Variants in HAO1 observed in about 807,000 individuals in gnomAD.
HAO1 encodes the protein 2-Hydroxyacid oxidase 1.
A neutral mutation model predicts 39.7 loss-of-function variants in HAO1; 34 were observed. The observed-to-expected ratio is 0.86, with a 90% CI of 0.65 to 1.14. HAO1 has a LOEUF of 1.14. HAO1 is among the 50% of genes most tolerant of loss of function. HAO1 has a pLI of 0.00. For missense variants in HAO1, 479 were observed against 464.5 expected, an observed-to-expected ratio of 1.03 and a Z score of -0.29; for synonymous variants, 172 against 173.2, an observed-to-expected ratio of 0.99 and a Z score of 0.05.
At chr20:7,921,626 G>A (rs8118176) in intron 2 of HAO1, among the ~76,000 whole-genome samples, 8,867 of 152,080 alleles carry the variant, frequency 0.058, 281 homozygotes, top group Non-Finnish European at 0.065. Context: ...AGGACAATAA[G>A]TCATTCTACC....
At chr20:7,921,989 A>G (rs1008890599) in intron 2 of HAO1, among the ~76,000 whole-genome samples, 2 of 152,254 alleles carry the variant, frequency 1.3e-5, no homozygotes, top group Non-Finnish European at 2.9e-5. Context: ...GCTGAAAAAA[A>G]CTACCTGTTT....
chr20:7,922,114 G>A (rs542205446), intron 2 of HAO1, among the ~76,000 whole-genome samples: 7 of 150,886 alleles, frequency 4.6e-5, no homozygotes, highest in Non-Finnish European at 1.0e-4. Context: ...AATAAAAGTT[G>A]AAAAAAGAAA....
At chr20:7,900,160 C>A (rs1266254139) in intron 4 of HAO1, among the ~76,000 whole-genome samples, 1 of 152,032 alleles carries the variant, frequency 6.6e-6, no homozygotes, top group African/African-American at 2.4e-5. Context: ...TTTAGAGTAT[C>A]TTGAACAATG....
At chr20:7,919,183 T>C (rs1271437144) in intron 2 of HAO1, among the ~76,000 whole-genome samples, 1 of 152,208 alleles carries the variant, frequency 6.6e-6, no homozygotes, top group Non-Finnish European at 1.5e-5. Context: ...ATAGACGGTA[T>C]ATCCTAAAGA....
intron 5 of HAO1, among the ~76,000 whole-genome samples, chr20:7,889,043 C>A (rs920106064): frequency 6.6e-6 from 1 of 152,174 alleles, no homozygotes; most frequent in African/African-American, 2.4e-5. Flanking sequence ...CTGAGCAGAT[C>A]TCAGCCCAAA....
chr20:7,930,561 G>A (rs1029467983), intron 2 of HAO1, among the ~76,000 whole-genome samples: 4 of 152,180 alleles, frequency 2.6e-5, no homozygotes, highest in African/African-American at 9.7e-5. Context: ...CAATCTCAAT[G>A]AATTGAAGGA....
At chr20:7,917,744 G>A (rs2050313826) in intron 2 of HAO1, among the ~76,000 whole-genome samples, 1 of 152,134 alleles carries the variant, frequency 6.6e-6, no homozygotes, top group Non-Finnish European at 1.5e-5. Context: ...CAGCAGCTCT[G>A]CCAATAGGAA....
At chr20:7,934,276 A>G (rs1474668928) in intron 2 of HAO1, among the ~76,000 whole-genome samples, 1 of 152,238 alleles carries the variant, frequency 6.6e-6, no homozygotes, top group Admixed American at 6.5e-5. Context: ...AAGGAAACCA[A>G]TGCAGAGAGA....
At chr20:7,910,035 G>T (rs1019629555) in intron 3 of HAO1, among the ~76,000 whole-genome samples, 2 of 152,152 alleles carry the variant, frequency 1.3e-5, no homozygotes, top group East Asian at 3.9e-4. Flanking sequence ...TACTAGTTAT[G>T]TTACATTGGG....
chr20:7,887,006 G>A (rs2050154262), intron 5 of HAO1, among the ~76,000 whole-genome samples: 2 of 152,120 alleles, frequency 1.3e-5, no homozygotes, highest in African/African-American at 4.8e-5. Flanking sequence ...TTGGATACCA[G>A]CCACCTAGCT....
chr20:7,936,553 C>T (rs1326874085), intron 1 of HAO1, among the ~76,000 whole-genome samples: 188 of 57,012 alleles, frequency 3.3e-3, no homozygotes, highest in Admixed American at 0.01. Flanking sequence ...TGTGTTCGCG[C>T]GCGCGCGCGC....
chr20:7,925,775 GC>G (rs1450453510), intron 2 of HAO1, among the ~76,000 whole-genome samples: 4 of 152,082 alleles, frequency 2.6e-5, no homozygotes, highest in Non-Finnish European at 5.9e-5. Flanking sequence ...CTGAGAAGAA[GC>G]AATCTCATGC....
At position 7,892,965 on chromosome 20, in the gene HAO1, G is replaced by A. The variant is rs140629912; in HGVS notation, c.813+2168C>T. 5.2e-3 allele frequency among the ~76,000 whole-genome samples: 794 copies of A among 152,264 alleles called. 7 individuals are homozygous for A. The highest frequency in any genetic ancestry group is 0.018 in the African/African-American group (739 of 41,546). ...AGAAAGCAATTCCCTCTGTCCTTCTGCAGTTCAGGCCCTCCTTCTCTCTTT... is the reference window on the plus strand; with the variant it reads ...AGAAAGCAATTCCCTCTGTCCTTCTACAGTTCAGGCCCTCCTTCTCTCTTT... On this transcript the variant is annotated intron_variant, in intron 5 of 7. Transcript: ENST00000378789.
At chr20:7,926,774 G>T (rs2050361011) in intron 2 of HAO1, among the ~76,000 whole-genome samples, 1 of 152,026 alleles carries the variant, frequency 6.6e-6, no homozygotes, top group African/African-American at 2.4e-5. Context: ...GGCTCAAAAA[G>T]AAAGTGTTTA....
chr20:7,891,259 A>G (rs191193046), intron 5 of HAO1, among the ~76,000 whole-genome samples: 2 of 152,192 alleles, frequency 1.3e-5, no homozygotes, highest in Admixed American at 6.5e-5. Flanking sequence ...AGGTGGTATC[A>G]CATTGTGGTT....
intron 2 of HAO1, among the ~76,000 whole-genome samples, chr20:7,917,728 G>GT (rs1436006461): frequency 6.6e-6 from 1 of 152,156 alleles, no homozygotes; most frequent in Non-Finnish European, 1.5e-5. Context: ...ACATCATGTA[G>GT]TCAAGCAGCA....
At chr20:7,897,212 G>A (rs2050201621) in intron 4 of HAO1, among the ~76,000 whole-genome samples, 1 of 152,134 alleles carries the variant, frequency 6.6e-6, no homozygotes, top group South Asian at 2.1e-4. Flanking sequence ...TATTTTATAA[G>A]TAAACAGTTT....
At chr20:7,886,413 A>G (rs996127977) in intron 5 of HAO1, among the ~76,000 whole-genome samples, 11 of 152,220 alleles carry the variant, frequency 7.2e-5, no homozygotes, top group Admixed American at 1.3e-4. Flanking sequence ...ACCTCAAGTG[A>G]TCTGCCTGCC....
chr20:7,910,500 G>A (rs1314677738), intron 3 of HAO1, among the ~76,000 whole-genome samples: 1 of 152,016 alleles, frequency 6.6e-6, no homozygotes, highest in African/African-American at 2.4e-5. Flanking sequence ...AGAATCTAGG[G>A]GAAGCCCTAT....
Sources: allele counts gnomAD v4.1 joint callset (sites outside exome capture counted in the v4.1 genomes callset), GRCh38; gene constraint gnomAD v4.1.1; transcripts MANE v1.5; gene names NCBI Gene and HGNC (gene_info 2026-07-23, HGNC 2026-07-21).